LAMC3: variants seen among roughly 807,000 people sequenced by gnomAD.
LAMC3 encodes laminin subunit gamma 3.
In LAMC3, 128 loss-of-function variants were observed where a neutral mutation model predicts 173.8. The ratio of observed to expected loss-of-function variants is 0.74; its 90% CI spans 0.64 to 0.85. LAMC3 has a LOEUF of 0.85. Among genes scored for constraint, LAMC3 ranks in the 40% least tolerant of loss-of-function variants. LAMC3 has a pLI of 0.00. For missense variants in LAMC3, 2,022 were observed against 2,156.0 expected (o/e 0.94, Z 1.23); for synonymous variants, 897 against 909.1 (o/e 0.99, Z 0.24).
intron 22 of LAMC3, among the ~76,000 whole-genome samples, chr9:131,078,727 G>C (rs919564645): frequency 6.6e-6 from 1 of 152,156 alleles, no homozygotes; most frequent in Non-Finnish European, 1.5e-5. Context: ...TTCTGCATTC[G>C]GAAGCCATCC....
At chr9:131,085,869 G>A in intron 25 of LAMC3, 146 bp downstream of exon 25, 1 of 773,494 alleles carries the variant, frequency 1.3e-6, no homozygotes, top group Non-Finnish European at 2.3e-6. Context: ...AGACTTCACG[G>A]GGGTGAGTCT....
chr9:131,054,101 C>T (rs1290782404), intron 11 of LAMC3, among the ~76,000 whole-genome samples: 1 of 152,084 alleles, frequency 6.6e-6, no homozygotes, highest in African/African-American at 2.4e-5. Context: ...GGTTTTTCTA[C>T]CCTTCCAGCA....
chr9:131,021,919 C>T (rs1250322856), intron 1 of LAMC3, among the ~76,000 whole-genome samples: 1 of 152,196 alleles, frequency 6.6e-6, no homozygotes, highest in Non-Finnish European at 1.5e-5. Context: ...CTTCCATGCC[C>T]TCCCTGGGTG....
At position 131,029,070 on chromosome 9, in the gene LAMC3, C is replaced by T. The variant is rs930422301; in HGVS notation, c.678+2481C>T. 2.6e-5 allele frequency among the ~76,000 whole-genome samples: 4 copies of T among 152,158 alleles called. No homozygotes were observed. Among genetic ancestry groups the T allele is most frequent in the African/African-American group, 4.8e-5 (2 of 41,444 alleles). ...GAGGTGAAGCCGATTCTGTGTGGCCCGAGGCCCCCACCGCAAATCACATCA... is the reference window on the plus strand; with the variant it reads ...GAGGTGAAGCCGATTCTGTGTGGCCTGAGGCCCCCACCGCAAATCACATCA... On this transcript the variant is annotated intron_variant, in intron 2 of 27. Transcript: ENST00000361069. The surrounding 1 kb of genome is among the most constrained non-coding windows in gnomAD (Gnocchi z 4.6).
intron 20 of LAMC3, among the ~76,000 whole-genome samples, chr9:131,075,524 C>G (rs1830107083): frequency 6.7e-6 from 1 of 149,788 alleles, no homozygotes. Flanking sequence ...GATCACACCA[C>G]TGCACTCTAG....
intron 11 of LAMC3, among the ~76,000 whole-genome samples, chr9:131,055,340 G>T (rs1255587479): frequency 6.6e-6 from 1 of 151,670 alleles, no homozygotes; most frequent in African/African-American, 2.4e-5. Flanking sequence ...AGGTTGATCT[G>T]CCAGGATCCC....
Position 131,092,013 on chromosome 9 carries a change from C to T in LAMC3, c.*226C>T, listed in dbSNP as rs1286953843. The T allele has an allele frequency of 1.7e-6, 1 of 596,958 alleles. No homozygotes were observed. Among genetic ancestry groups the T allele is most frequent in the African/African-American group, 1.9e-5 (1 of 53,940 alleles). 37.0% of individuals were successfully genotyped at this position (596,958 alleles called of 1,614,324 possible). The stretch of plus-strand genomic sequence containing the variant: ...TCACCTGGACATGAGTGCACACTCT[C>T]ACCCCTGCACATGCATAAACGGGCA... On this transcript the variant is annotated 3_prime_UTR_variant, in exon 28 of 28. Transcript: ENST00000361069.
chr9:131,052,561 G>T lies in LAMC3; in HGVS notation c.1701G>T (p.Gly567=), dbSNP rs749246721. ...PLILTFRVPP[G]DSPLPVQLRL... ...TACTGACCTTCCGGGTGCCCCCCGG[G>T]GACTCCCCACTCCCTGTACAGCTGA... The change falls in exon 10 of 28, where the codon GGG becomes GGT. Residue 567 remains glycine, a synonymous_variant. Coordinates refer to ENST00000361069, the MANE Select transcript of LAMC3 (RefSeq NM_006059.4). 5.0e-5 allele frequency: 81 copies of T among 1,613,978 alleles called. No individual in the cohort carries two copies. The highest frequency in any genetic ancestry group is 6.4e-5 in the Non-Finnish European group (76 of 1,179,984).
chr9:131,074,156 G>A (rs190779995), intron 20 of LAMC3, among the ~76,000 whole-genome samples: 16 of 151,010 alleles, frequency 1.1e-4, no homozygotes, highest in Non-Finnish European at 2.1e-4. Context: ...CACTGTGTTA[G>A]CCAGGATGAT....
chr9:131,086,459 G>C (rs1554723484), intron 25 of LAMC3, among the ~76,000 whole-genome samples: 5 of 151,142 alleles, frequency 3.3e-5, no homozygotes, highest in Non-Finnish European at 7.4e-5. Flanking sequence ...CCAGGCTGGA[G>C]TACAGTAGCA....
intron 19 of LAMC3, 100 bp from the exon 20 acceptor site, chr9:131,073,145 G>T: frequency 2.1e-6 from 2 of 932,346 alleles, no homozygotes; most frequent in South Asian, 1.3e-5. Flanking sequence ...TTTATAAAAC[G>T]ACGGGTGCCA....
In LAMC3 at chr9:131,038,913, C is replaced by T; in HGVS notation, c.1026C>T (p.Leu342=). 6.2e-7 allele frequency: 1 copy of T among 1,613,474 alleles called. No homozygotes were observed. The highest frequency in any genetic ancestry group is 8.5e-7 in the Non-Finnish European group (1 of 1,180,036). The change falls in exon 5 of 28, where the codon CTC becomes CTT. Residue 342 remains leucine, a synonymous_variant. Transcript: ENST00000361069. ...RSEECTFDRE[L]FRSTGHGGRC... is the part of the protein sequence containing the mutation. The stretch of plus-strand genomic sequence containing the variant: ...AGGAATGCACGTTTGATCGGGAGCT[C>T]TTCCGCAGCACAGGCCACGGCGGGC...
At chr9:131,040,761 C>T (rs1465319693) in intron 6 of LAMC3, among the ~76,000 whole-genome samples, 1 of 152,162 alleles carries the variant, frequency 6.6e-6, no homozygotes, top group Non-Finnish European at 1.5e-5. Flanking sequence ...TGAGCAGCCC[C>T]GCTCTCGGGA....
chr9:131,046,516 G>GTTTTTTTTTTTTTTTTT (rs1443313320), intron 8 of LAMC3, among the ~76,000 whole-genome samples: 2 of 38,752 alleles, frequency 5.2e-5, no homozygotes, highest in Non-Finnish European at 1.1e-4. Context: ...GCTAATTTTT[G>GTTTTTTTTTTTTTTTTT]TATTTTTTTT....
chr9:131,010,492 C>T (rs1263434413), intron 1 of LAMC3, among the ~76,000 whole-genome samples: 1 of 152,184 alleles, frequency 6.6e-6, no homozygotes. Context: ...GGTTTTCCAT[C>T]CTAGACCAGA....
chr9:131,078,504 C>CA (rs757256292), intron 22 of LAMC3, among the ~76,000 whole-genome samples: 9 of 150,872 alleles, frequency 6.0e-5, no homozygotes, highest in Admixed American at 1.3e-4. Flanking sequence ...CAAAACAAAA[C>CA]AAAAAAAACT....
At chr9:131,069,874 C>T in intron 17 of LAMC3, 24 bp downstream of exon 17, 1 of 1,562,554 alleles carries the variant, frequency 6.4e-7, no homozygotes, top group East Asian at 2.4e-5. Context: ...GACCCACTCA[C>T]CTTTCCATTC....
In LAMC3 at chr9:131,075,980, G is replaced by C. The variant is rs2133333128; in HGVS notation, c.3629+15G>C. On this transcript the variant is annotated intron_variant, in intron 21 of 27. Transcript: ENST00000361069. ...CTGGAGGACAGGTGAGGCCTCCCCA[G>C]GTGTGGGTAGAAACTTTGGGGTTGG... 1 of 1,596,020 alleles carries C rather than the reference G, an allele frequency of 6.3e-7. No homozygotes were observed. Among genetic ancestry groups the C allele is most frequent in the Non-Finnish European group, 8.6e-7 (1 of 1,169,562 alleles).
rs562351071 is a variant in LAMC3 at position 131,077,536 on chromosome 9, G to A, written c.3777+202G>A. On this transcript the variant is annotated intron_variant, in intron 22 of 27. Coordinates refer to ENST00000361069, the MANE Select transcript of LAMC3 (RefSeq NM_006059.4). ...TACTAAAAATACAAAAATTAGCCAGGTGTGGTGGTGCGTGCCTGTAACCCC... is the reference window on the plus strand; with the variant it reads ...TACTAAAAATACAAAAATTAGCCAGATGTGGTGGTGCGTGCCTGTAACCCC... Among the ~76,000 whole-genome samples, 113 of 151,918 alleles carry A rather than the reference G, an allele frequency of 7.4e-4. 1 individual carries two copies. The highest frequency in any genetic ancestry group is 2.6e-3 in the African/African-American group (109 of 41,436).
Sources: allele counts gnomAD v4.1 joint callset (sites outside exome capture counted in the v4.1 genomes callset), GRCh38; gene constraint gnomAD v4.1.1; non-coding constraint Gnocchi (gnomAD v3.1); transcripts MANE v1.5; gene names NCBI Gene and HGNC (gene_info 2026-07-23, HGNC 2026-07-21).